Variants in RBM26 observed in about 807,000 individuals in gnomAD.
RBM26 encodes RNA binding motif protein 26, also known as RNA-binding protein 26.
A neutral mutation model predicts 123.6 loss-of-function variants in RBM26; 30 were observed. The observed-to-expected ratio is 0.24, with a 90% CI of 0.18 to 0.33. RBM26 has a LOEUF of 0.33. Ranked by LOEUF, RBM26 falls within the 10% of genes least tolerant of loss-of-function variation. The pLI, the probability that RBM26 is intolerant of heterozygous loss-of-function variation, is 1.00. For missense variants in RBM26, 947 were observed against 1,203.6 expected, an observed-to-expected ratio of 0.79 and a Z score of 3.15; for synonymous variants, 400 against 404.4, an observed-to-expected ratio of 0.99 and a Z score of 0.13.
chr13:79,369,902 T>C (rs1271614049), intron 5 of RBM26, among the ~76,000 whole-genome samples: 1 of 152,214 alleles, frequency 6.6e-6, no homozygotes, highest in Non-Finnish European at 1.5e-5. Flanking sequence ...TACATATTCA[T>C]CACTTCCAAA....
chr13:79,384,845 A>C (rs530318858), intron 1 of RBM26, among the ~76,000 whole-genome samples: 3 of 152,324 alleles, frequency 2.0e-5, no homozygotes, highest in Non-Finnish European at 4.4e-5. Context: ...AGTTTTTCAG[A>C]TTTTCAAAAC....
Position 79,319,935 on chromosome 13 carries a change from G to T in RBM26, c.*686C>A. On this transcript the variant is annotated 3_prime_UTR_variant, in exon 22 of 22. Transcript: ENST00000438737. ...CTTTTCTTTTTTTTTTTAAATCAAG[G>T]AACATTGTCTTGGCTTTTTTTTTTT... is the stretch of plus-strand genomic sequence containing the variant. 2.3e-5 allele frequency: 16 copies of T among 703,208 alleles called. No homozygotes were observed. Among genetic ancestry groups the T allele is most frequent in the East Asian group, 2.2e-4 (1 of 4,508 alleles). 43.6% of individuals were successfully genotyped at this position (703,208 alleles called of 1,614,324 possible). A position where few individuals can be genotyped will look rare whatever the true frequency, so the allele number is the denominator to read the frequency against.
At chr13:79,355,648 T>C (rs966103093) in intron 11 of RBM26, among the ~76,000 whole-genome samples, 2 of 152,214 alleles carry the variant, frequency 1.3e-5, no homozygotes, top group Non-Finnish European at 2.9e-5. Flanking sequence ...TTCAAAGTGT[T>C]TCTCTTTTTA....
chr13:79,372,752 T>C (rs975348712), intron 3 of RBM26, among the ~76,000 whole-genome samples: 2 of 119,116 alleles, frequency 1.7e-5, no homozygotes, highest in Non-Finnish European at 3.1e-5. Flanking sequence ...CATATTGTAA[T>C]TTATTATATA....
intron 1 of RBM26, among the ~76,000 whole-genome samples, chr13:79,379,404 A>G (rs2076903648): frequency 6.8e-6 from 1 of 147,504 alleles, no homozygotes; most frequent in African/African-American, 2.5e-5. Context: ...AAAATTAGGC[A>G]TGGTAGTGTG....
At chr13:79,318,289 C>T (rs1593844002), downstream of RBM26, among the ~76,000 whole-genome samples, 1 of 151,050 alleles carries the variant, frequency 6.6e-6, no homozygotes, top group Non-Finnish European at 1.5e-5. Flanking sequence ...AATCAGAATG[C>T]TTGCATTCAA....
rs398023598 is a variant in RBM26 at position 79,386,591 on chromosome 13, T to TAAAAAAAAAAAAAA, written c.72-7698_72-7685dup. Among the ~76,000 whole-genome samples the TAAAAAAAAAAAAAA allele has an allele frequency of 9.7e-5, 9 of 92,820 alleles. 1 individual carries two copies. Among genetic ancestry groups the TAAAAAAAAAAAAAA allele is most frequent in the African/African-American group, 2.9e-4 (7 of 24,122 alleles). 60.9% of individuals were successfully genotyped at this position (92,820 alleles called of 152,430 possible). A position where few individuals can be genotyped will look rare whatever the true frequency, so the allele number is the denominator to read the frequency against. ...ACATCAAGCCACAGAACTCTCTCTTTAAAAAAAAAAAAAAAAAAAAGGTGT... is the reference window on the plus strand; with the variant it reads ...ACATCAAGCCACAGAACTCTCTCTTTAAAAAAAAAAAAAAAAAAAAAAAAAAAAAAAAAAGGTGT... On this transcript the variant is annotated intron_variant, in intron 1 of 21. Coordinates refer to ENST00000438737, the MANE Select transcript of RBM26 (RefSeq NM_001366735.2).
intron 20 of RBM26, among the ~76,000 whole-genome samples, chr13:79,330,634 T>C (rs1031602541): frequency 6.6e-6 from 1 of 152,240 alleles, no homozygotes; most frequent in East Asian, 1.9e-4. Context: ...ATATAACTAA[T>C]ATATAAAAGA....
chr13:79,370,341 T>G (rs1180945772), intron 5 of RBM26, among the ~76,000 whole-genome samples: 1 of 152,066 alleles, frequency 6.6e-6, no homozygotes, highest in Non-Finnish European at 1.5e-5. Context: ...GAAAAAAAAT[T>G]TTTTAACATA....
intron 1 of RBM26, among the ~76,000 whole-genome samples, chr13:79,396,430 A>G (rs2078570727): frequency 6.6e-6 from 1 of 152,236 alleles, no homozygotes; most frequent in Non-Finnish European, 1.5e-5. Flanking sequence ...GGGGAAAGGA[A>G]GCATCACAAT....
chr13:79,326,658 A>C (rs1328003440), intron 20 of RBM26, among the ~76,000 whole-genome samples: 4 of 152,176 alleles, frequency 2.6e-5, no homozygotes, highest in African/African-American at 9.6e-5. Flanking sequence ...TTAGATACTG[A>C]TAGTTTCACA....
intron 20 of RBM26, among the ~76,000 whole-genome samples, chr13:79,324,929 G>T (rs1264035649): frequency 6.6e-6 from 1 of 151,830 alleles, no homozygotes; most frequent in Non-Finnish European, 1.5e-5. Flanking sequence ...ACTCCTTTGT[G>T]ATCCATTAAA....
At chr13:79,402,061 A>G (rs1299270064) in intron 1 of RBM26, among the ~76,000 whole-genome samples, 1 of 150,654 alleles carries the variant, frequency 6.6e-6, no homozygotes, top group Non-Finnish European at 1.5e-5. Flanking sequence ...GTGTAAGTCC[A>G]CCTAAAAGTT....
At chr13:79,353,426 C>A (rs1012491757) in intron 13 of RBM26, among the ~76,000 whole-genome samples, 10 of 152,038 alleles carry the variant, frequency 6.6e-5, no homozygotes, top group African/African-American at 9.7e-5. Flanking sequence ...ATTATTCAAT[C>A]ATGAAAAATG....
At chr13:79,348,196 G>A (rs1285474255) in intron 14 of RBM26, among the ~76,000 whole-genome samples, 1 of 152,066 alleles carries the variant, frequency 6.6e-6, no homozygotes, top group Non-Finnish European at 1.5e-5. Context: ...CTATGTTCAT[G>A]ACAGATGTTG....
intron 19 of RBM26, among the ~76,000 whole-genome samples, chr13:79,335,053 CAT>C (rs1461850195): frequency 6.6e-6 from 1 of 152,016 alleles, no homozygotes; most frequent in East Asian, 1.9e-4. Flanking sequence ...TTTTTTCCCT[CAT>C]GTGTGGGAGG....
chr13:79,396,786 C>T (rs1235729595), intron 1 of RBM26, among the ~76,000 whole-genome samples: 1 of 152,112 alleles, frequency 6.6e-6, no homozygotes, highest in Non-Finnish European at 1.5e-5. Flanking sequence ...GCCTGGTTTA[C>T]CTCAGGAATA....
chr13:79,356,301 C>T (rs1199661705), intron 11 of RBM26, among the ~76,000 whole-genome samples: 2 of 144,226 alleles, frequency 1.4e-5, no homozygotes, highest in African/African-American at 5.1e-5. Flanking sequence ...CCCAGGAGGT[C>T]GAGGCTACAA....
intron 10 of RBM26, 81 bp from the exon 11 acceptor site, chr13:79,358,514 T>C (rs1395768462): frequency 3.5e-5 from 38 of 1,100,694 alleles, no homozygotes; most frequent in Non-Finnish European, 4.8e-5. Flanking sequence ...TTTAACAAAA[T>C]AGATATCCAA....
Sources: gnomAD v4.1 joint callset for allele counts (sites outside exome capture counted in the v4.1 genomes callset) on GRCh38, gnomAD v4.1.1 for gene constraint, MANE v1.5 for transcripts, NCBI Gene and HGNC (gene_info 2026-07-23, HGNC 2026-07-21) for gene names.